CNTNAP2: variants seen among roughly 807,000 people sequenced by gnomAD.
The protein encoded by CNTNAP2 is contactin associated protein 2.
Under a neutral mutation model 155.2 loss-of-function variants are expected in CNTNAP2, and 98 were observed. That is an observed-to-expected ratio of 0.63 (90% CI 0.54 to 0.75). The LOEUF (loss-of-function observed/expected upper bound fraction) is 0.75, where lower values mean the gene tolerates loss of function less well. Ranked by LOEUF, CNTNAP2 falls within the 30% of genes least tolerant of loss-of-function variation. The pLI is 0.00. For missense variants in CNTNAP2, 1,727 were observed against 1,688.1 expected, an observed-to-expected ratio of 1.02 and a Z score of -0.40; for synonymous variants, 651 against 631.2, an observed-to-expected ratio of 1.03 and a Z score of -0.47.
chr7:147,347,447 TATATATATGC>T (rs1189691518), intron 9 of CNTNAP2, among the ~76,000 whole-genome samples: 4 of 50,826 alleles, frequency 7.9e-5, no homozygotes, highest in Non-Finnish European at 1.3e-4. Context: ...TATGCATATA[TATATATATGC>T]ATATATATAT....
intron 15 of CNTNAP2, among the ~76,000 whole-genome samples, chr7:147,995,636 C>T (rs1801790544): frequency 6.6e-6 from 1 of 151,844 alleles, no homozygotes; most frequent in Non-Finnish European, 1.5e-5. Context: ...GCCTCAGCAT[C>T]CCAGGTAGCT....
chr7:146,697,311 C>T (rs1014451489), intron 1 of CNTNAP2, among the ~76,000 whole-genome samples: 1 of 151,700 alleles, frequency 6.6e-6, no homozygotes, highest in Admixed American at 6.6e-5. Context: ...AATCTTGGCT[C>T]ACTGCAACCT....
intron 10 of CNTNAP2, among the ~76,000 whole-genome samples, chr7:147,401,181 T>G: frequency 6.6e-6 from 1 of 152,120 alleles, no homozygotes; most frequent in Admixed American, 6.5e-5. Context: ...CTTTCCTGTC[T>G]AACTCCATTG....
chr7:146,711,106 GCACACACA>G (rs910179732), intron 1 of CNTNAP2, among the ~76,000 whole-genome samples: 1 of 149,680 alleles, frequency 6.7e-6, no homozygotes, highest in African/African-American at 2.4e-5. Flanking sequence ...TCCTGTATAT[GCACACACA>G]CACACAGACA....
intron 11 of CNTNAP2, among the ~76,000 whole-genome samples, chr7:147,556,909 G>A (rs62481312): frequency 0.2 from 30,362 of 152,138 alleles, 3,239 homozygotes; most frequent in Admixed American, 0.29. Flanking sequence ...TTCCATGATA[G>A]GTAATACACA....
chr7:147,922,900 A>G (rs1800309449), intron 14 of CNTNAP2, among the ~76,000 whole-genome samples: 1 of 152,208 alleles, frequency 6.6e-6, no homozygotes, highest in East Asian at 1.9e-4. Context: ...AGGGACTATC[A>G]ACATACAAAG....
intron 13 of CNTNAP2, among the ~76,000 whole-genome samples, chr7:147,862,949 A>T (rs189868094): frequency 1.2e-4 from 19 of 152,152 alleles, no homozygotes; most frequent in Admixed American, 3.9e-4. Flanking sequence ...ATATATATAT[A>T]TTTTAAGTTC....
chr7:147,627,436 G>A (rs1005529076), intron 12 of CNTNAP2, among the ~76,000 whole-genome samples: 2 of 152,152 alleles, frequency 1.3e-5, no homozygotes, highest in East Asian at 1.9e-4. Context: ...GGTGGCTCAC[G>A]CCTGAAATCC....
intron 15 of CNTNAP2, among the ~76,000 whole-genome samples, chr7:148,044,246 G>A (rs904791112): frequency 2.1e-5 from 3 of 145,490 alleles, no homozygotes; most frequent in East Asian, 2.0e-4. Flanking sequence ...CGGGGTCTCC[G>A]TGTTCTAGCT....
intron 1 of CNTNAP2, among the ~76,000 whole-genome samples, chr7:146,760,775 G>C (rs10952659): frequency 0.35 from 53,535 of 151,404 alleles, 11,000 homozygotes; most frequent in African/African-American, 0.57. Context: ...TAGAACATTC[G>C]TCCAATAATG....
intron 3 of CNTNAP2, among the ~76,000 whole-genome samples, chr7:147,006,256 A>G (rs1798521939): frequency 6.6e-6 from 1 of 152,094 alleles, no homozygotes; most frequent in African/African-American, 2.4e-5. Flanking sequence ...TAGGAGAAGT[A>G]TACTAAACAA....
chr7:147,873,128 C>T lies in CNTNAP2; in HGVS notation c.2099-30437C>T, dbSNP rs57210215. Among the ~76,000 whole-genome samples the T allele has an allele frequency of 3.5e-3, 535 of 152,286 alleles. 1 individual carries two copies. The highest frequency in any genetic ancestry group is 0.011 in the African/African-American group (452 of 41,558). On this transcript the variant is annotated intron_variant, in intron 13 of 23. Coordinates refer to ENST00000361727, the MANE Select transcript of CNTNAP2 (RefSeq NM_014141.6). ...CCTGATAGACAGGAATAGGAATCCA[C>T]GCTCCAGCTTGGGATCAAGAAAACT...
At chr7:148,320,508 C>G (rs1225782915) in intron 21 of CNTNAP2, among the ~76,000 whole-genome samples, 1 of 149,918 alleles carries the variant, frequency 6.7e-6, no homozygotes, top group Non-Finnish European at 1.5e-5. Context: ...CTCAGCCACC[C>G]AAGTAGCTGG....
Position 147,174,396 on chromosome 7 carries a change from G to A in CNTNAP2, c.1348+41887G>A, listed in dbSNP as rs187547908. Among the ~76,000 whole-genome samples, 23 of 152,154 alleles carry A rather than the reference G, an allele frequency of 1.5e-4. No homozygotes were observed. In the East Asian group the frequency reaches 4.5e-3, roughly 29 times the overall value. On this transcript the variant is annotated intron_variant, in intron 8 of 23. Coordinates refer to ENST00000361727, the MANE Select transcript of CNTNAP2 (RefSeq NM_014141.6). ...TTGACATACCTGTAGTAGTTTCAAA[G>A]CACAGATCACATCGTGACACTCCTG...
At chr7:147,207,069 T>C (rs1803037571) in intron 8 of CNTNAP2, among the ~76,000 whole-genome samples, 1 of 152,202 alleles carries the variant, frequency 6.6e-6, no homozygotes, top group African/African-American at 2.4e-5. Context: ...AGAGCAATAG[T>C]GACTTCCTTC....
At chr7:147,528,498 C>G (rs1356857415) in intron 11 of CNTNAP2, among the ~76,000 whole-genome samples, 1 of 152,152 alleles carries the variant, frequency 6.6e-6, no homozygotes, top group Non-Finnish European at 1.5e-5. Context: ...TCCCTCTCTC[C>G]TTTACACACA....
At chr7:147,546,596 C>T (rs926142902) in intron 11 of CNTNAP2, among the ~76,000 whole-genome samples, 1 of 152,074 alleles carries the variant, frequency 6.6e-6, no homozygotes, top group South Asian at 2.1e-4. Context: ...ATTTCTTAGC[C>T]TAGGACAAAT....
intron 8 of CNTNAP2, among the ~76,000 whole-genome samples, chr7:147,138,098 G>C (rs751148828): frequency 2.6e-5 from 4 of 151,636 alleles, no homozygotes; most frequent in Non-Finnish European, 5.9e-5. Context: ...TTAGATTTTT[G>C]TACCTTTTGA....
At chr7:146,258,611 A>T (rs1293332555) in intron 1 of CNTNAP2, among the ~76,000 whole-genome samples, 1 of 152,178 alleles carries the variant, frequency 6.6e-6, no homozygotes, top group Non-Finnish European at 1.5e-5. Context: ...TATAAAGTTT[A>T]CTTGTTACCA....
Sources: gnomAD v4.1 joint callset for allele counts (sites outside exome capture counted in the v4.1 genomes callset) on GRCh38, gnomAD v4.1.1 for gene constraint, MANE v1.5 for transcripts, NCBI Gene and HGNC (gene_info 2026-07-23, HGNC 2026-07-21) for gene names.